The following ZNF613 variants were observed in gnomAD, a reference collection of about 807,000 sequenced individuals.
The protein encoded by ZNF613 is zinc finger protein 613.
Under a neutral mutation model 14.3 loss-of-function variants are expected in ZNF613, and 8 were observed. That is an observed-to-expected ratio of 0.56 (90% CI 0.33 to 1.01). The LOEUF is 1.01. Ranked by LOEUF, ZNF613 falls within the 50% of genes least tolerant of loss-of-function variation. ZNF613 has a pLI of 0.03. For synonymous variants in ZNF613, 228 were observed against 254.5 expected (o/e 0.90, Z 0.99); for missense variants, 656 against 741.9 (o/e 0.88, Z 1.35).
At chr19:51,938,725 G>GATATATATAT (rs113608259) in intron 3 of ZNF613, among the ~76,000 whole-genome samples, 4,039 of 118,302 alleles carry the variant, frequency 0.034, 78 homozygotes, top group South Asian at 0.085. Context: ...AATGTACATG[G>GATATATATAT]ATATATATAT....
At chr19:51,934,501 G>A (rs930354314) in intron 2 of ZNF613, among the ~76,000 whole-genome samples, 1 of 152,018 alleles carries the variant, frequency 6.6e-6, no homozygotes, top group Non-Finnish European at 1.5e-5. Flanking sequence ...ATAATACATA[G>A]TCTTATTTTA....
In ZNF613 at chr19:51,940,676, G is replaced by A; in HGVS notation, c.202G>A (p.Val68Ile). Reference sequence around the variant, plus strand: ...GTTGGAACAAGGAGAGCCATGGACAGTAGAAAATGAAATCCACAGCCAAAT... The same window carrying A: ...GTTGGAACAAGGAGAGCCATGGACAATAGAAAATGAAATCCACAGCCAAAT... ...FKLEQGEPWT[V>I]ENEIHSQICP... Residue 68 changes from valine to isoleucine, a missense_variant, in exon 5 of 6, where the codon GTA (valine) becomes ATA (isoleucine). Transcript: ENST00000293471. 6.2e-7 allele frequency: 1 copy of A among 1,613,342 alleles called. No homozygotes were observed.
intron 3 of ZNF613, 23 bp from the exon 4 acceptor site, chr19:51,940,186 T>C (rs751513092): frequency 6.2e-7 from 1 of 1,611,900 alleles, no homozygotes; most frequent in Admixed American, 1.7e-5. Flanking sequence ...TACTTCATAT[T>C]AAGCAGGACT....
chr19:51,931,372 G>A (rs904983323), intron 2 of ZNF613, among the ~76,000 whole-genome samples: 3 of 152,062 alleles, frequency 2.0e-5, no homozygotes, highest in Admixed American at 1.3e-4. Context: ...TCATCAATCT[G>A]ACTAAAAACT....
At chr19:51,937,756 G>A (rs1203676961) in intron 3 of ZNF613, among the ~76,000 whole-genome samples, 2 of 130,468 alleles carry the variant, frequency 1.5e-5, no homozygotes, top group African/African-American at 3.0e-5. Context: ...TTGAGATAGA[G>A]TCTCACTCTG....
chr19:51,928,853 CAAAAA>C (rs58085445), intron 1 of ZNF613, among the ~76,000 whole-genome samples: 3 of 96,964 alleles, frequency 3.1e-5, no homozygotes, highest in Non-Finnish European at 4.6e-5. Context: ...GACCCTGCCT[CAAAAA>C]AAAAAAAAAA....
chr19:51,940,512 G>T (rs768873413), intron 4 of ZNF613, 105 bp from the exon 5 acceptor site: 19 of 1,486,470 alleles, frequency 1.3e-5, no homozygotes, highest in Non-Finnish European at 1.6e-5. Context: ...CCTTTGCTTT[G>T]CAGACACATA....
chr19:51,930,023 A>C (rs1009741476), intron 2 of ZNF613, 127 bp downstream of exon 2: 4 of 152,144 alleles, frequency 2.6e-5, no homozygotes, highest in African/African-American at 9.7e-5. Flanking sequence ...AGTGGCTTTT[A>C]CTATGTGCGG....
intron 2 of ZNF613, among the ~76,000 whole-genome samples, chr19:51,932,994 CT>C (rs2122808282): frequency 6.6e-6 from 1 of 152,262 alleles, no homozygotes; most frequent in Admixed American, 6.5e-5. Context: ...GACATTTTCA[CT>C]TAGCATAATG....
At position 51,941,765 on chromosome 19, in the gene ZNF613, G is replaced by A. The variant is rs552088685; in HGVS notation, c.235+1056G>A. Among the ~76,000 whole-genome samples the A allele has an allele frequency of 5.3e-5, 8 of 152,154 alleles. No individual in the cohort carries two copies. In the South Asian group the frequency reaches 1.0e-3, roughly 20 times the overall value. ...CACTTGCATGTCAACTCCTTGAGTCGATCCTGGCCACCACAGGGTTACCTT... is the reference window on the plus strand; with the variant it reads ...CACTTGCATGTCAACTCCTTGAGTCAATCCTGGCCACCACAGGGTTACCTT... On this transcript the variant is annotated intron_variant, in intron 5 of 5. Coordinates refer to ENST00000293471, the MANE Select transcript of ZNF613 (RefSeq NM_001031721.4).
intron 2 of ZNF613, among the ~76,000 whole-genome samples, chr19:51,930,246 G>A (rs1344897267): frequency 6.6e-6 from 1 of 151,634 alleles, no homozygotes; most frequent in Admixed American, 6.6e-5. Context: ...TTTTGTGACT[G>A]GTTTCTTTCA....
intron 5 of ZNF613, among the ~76,000 whole-genome samples, chr19:51,942,122 C>T (rs1382368866): frequency 6.6e-6 from 1 of 152,230 alleles, no homozygotes; most frequent in Non-Finnish European, 1.5e-5. Flanking sequence ...ATCTTGCCTA[C>T]ACAGAGTTTG....
intron 2 of ZNF613, among the ~76,000 whole-genome samples, chr19:51,935,126 A>G (rs960394340): frequency 4.6e-5 from 7 of 152,120 alleles, no homozygotes; most frequent in Admixed American, 4.6e-4. Flanking sequence ...TGCTCTCACC[A>G]TGTGAGCCTC....
Position 51,933,253 on chromosome 19 carries a change from C to T in ZNF613, c.-193-2775C>T, listed in dbSNP as rs561907560. Among the ~76,000 whole-genome samples the T allele has an allele frequency of 8.5e-5, 13 of 152,324 alleles. No homozygotes were observed. In the South Asian group the frequency reaches 2.7e-3, roughly 32 times the overall value. On this transcript the variant is annotated intron_variant, in intron 2 of 5. Coordinates refer to ENST00000293471, the MANE Select transcript of ZNF613 (RefSeq NM_001031721.4). Reference sequence around the variant, plus strand: ...TATAATTTCCTCAAGACACTTTCCTCCTACCTTTTTCTCACAACCTTTCCT... The same window carrying T: ...TATAATTTCCTCAAGACACTTTCCTTCTACCTTTTTCTCACAACCTTTCCT...
At chr19:51,928,080 A>G (rs995376126) in intron 1 of ZNF613, 1 of 146,002 alleles carries the variant, frequency 6.8e-6, no homozygotes, top group Non-Finnish European at 1.5e-5. Flanking sequence ...TATCTATCTA[A>G]TTTATCTATC....
rs527512964 is a variant in ZNF613 at position 51,937,732 on chromosome 19, T to C, written c.15+1497T>C. Among the ~76,000 whole-genome samples, 177 of 145,954 alleles carry C rather than the reference T, an allele frequency of 1.2e-3. 2 individuals carry two copies. The highest frequency in any genetic ancestry group is 3.9e-3 in the African/African-American group (155 of 39,488). On this transcript the variant is annotated intron_variant, in intron 3 of 5. Coordinates refer to ENST00000293471, the MANE Select transcript of ZNF613 (RefSeq NM_001031721.4). Reference sequence around the variant, plus strand: ...ACAGATGATGTCTTTTTTCTTTTTTTTTTTTTTTTTTTTTTGAGATAGAGT... The same window carrying C: ...ACAGATGATGTCTTTTTTCTTTTTTCTTTTTTTTTTTTTTTGAGATAGAGT...
rs2085389623 is a variant in ZNF613 at position 51,945,327 on chromosome 19, A to G, written c.1444A>G (p.Lys482Glu). ...INHQRIHTGE[K>E]PYTCSDCGKA... The stretch of plus-strand genomic sequence containing the variant: ...CCACCAGAGAATTCACACAGGAGAG[A>G]AACCCTATACATGCAGTGACTGTGG... The change falls in exon 6 of 6, where the codon AAA (lysine) becomes GAA (glutamate). Residue 482 changes from lysine (K) to glutamate (E), a missense_variant. Physicochemically the swap from Lys to Glu is moderately conservative, Grantham distance 56 (BLOSUM62 1). Coordinates refer to ENST00000293471, the MANE Select transcript of ZNF613 (RefSeq NM_001031721.4). The G allele has an allele frequency of 6.2e-7, 1 of 1,614,156 alleles. No individual in the cohort carries two copies. The highest frequency in any genetic ancestry group is 1.3e-5 in the African/African-American group (1 of 75,042).
chr19:51,933,537 G>C (rs1436597185), intron 2 of ZNF613, among the ~76,000 whole-genome samples: 1 of 152,040 alleles, frequency 6.6e-6, no homozygotes, highest in Admixed American at 6.6e-5. Flanking sequence ...TCAAACTCCT[G>C]GGCTCAAGTG....
Position 51,936,101 on chromosome 19 carries a change from C to T in ZNF613, c.-120C>T. ...GGAGGTTCCAGGACCTGGATACCAT[C>T]CTTTGCAGGGATGTAATTCACCAGA... On this transcript the variant is annotated 5_prime_UTR_variant, in exon 3 of 6. Transcript: ENST00000293471. 2 of 1,060,348 alleles carry T rather than the reference C, an allele frequency of 1.9e-6. No homozygotes were observed. The highest frequency in any genetic ancestry group is 2.7e-6 in the Non-Finnish European group (2 of 734,132). The allele number at this position is 1,060,348 out of a possible 1,614,324, so 65.7% of individuals were successfully genotyped here. A position where few individuals can be genotyped will look rare whatever the true frequency, so the allele number is the denominator to read the frequency against.
Sources: gnomAD v4.1 joint callset for allele counts (sites outside exome capture counted in the v4.1 genomes callset) on GRCh38, gnomAD v4.1.1 for gene constraint, MANE v1.5 for transcripts, NCBI Gene and HGNC (gene_info 2026-07-23, HGNC 2026-07-21) for gene names.